The following SLC10A7 variants were observed in gnomAD, a reference collection of about 807,000 sequenced individuals.
SLC10A7 encodes the protein solute carrier family 10 member 7.
In SLC10A7, 29 loss-of-function variants were observed where a neutral mutation model predicts 43.2. That is an observed-to-expected ratio of 0.67 (90% CI 0.50 to 0.92). The LOEUF (loss-of-function observed/expected upper bound fraction) is 0.92, where lower values mean the gene tolerates loss of function less well. Ranked by LOEUF, SLC10A7 falls within the 40% of genes least tolerant of loss-of-function variation. The probability of loss-of-function intolerance (pLI) is 0.00; values close to 1 mark genes in which losing one functional copy is unlikely to be tolerated. For missense variants in SLC10A7, 295 were observed against 403.2 expected (o/e 0.73, Z 2.30); for synonymous variants, 152 against 144.8 (o/e 1.05, Z -0.35).
intron 4 of SLC10A7, among the ~76,000 whole-genome samples, chr4:146,484,166 A>G (rs1346151918): frequency 2.6e-5 from 4 of 152,196 alleles, no homozygotes; most frequent in African/African-American, 9.7e-5. Flanking sequence ...ATCTTGGGCA[A>G]CATAGTGATA....
chr4:146,315,121 T>G (rs1412859043), intron 6 of SLC10A7, among the ~76,000 whole-genome samples: 1 of 152,118 alleles, frequency 6.6e-6, no homozygotes, highest in African/African-American at 2.4e-5. Flanking sequence ...ATATGGAGAC[T>G]GCACAACTTG....
At chr4:146,287,020 G>A (rs1381157702) in intron 9 of SLC10A7, among the ~76,000 whole-genome samples, 4 of 149,182 alleles carry the variant, frequency 2.7e-5, no homozygotes, top group African/African-American at 7.4e-5. Flanking sequence ...GTTTGGAGTG[G>A]TGAGAAGGAC....
At chr4:146,281,396 C>CAAAAAA (rs774519759) in intron 10 of SLC10A7, among the ~76,000 whole-genome samples, 73 of 74,952 alleles carry the variant, frequency 9.7e-4, no homozygotes, top group Admixed American at 3.9e-3. Flanking sequence ...GAAGTAAAAT[C>CAAAAAA]AAAAAAAAAA....
chr4:146,425,405 C>G (rs750721794), intron 5 of SLC10A7, among the ~76,000 whole-genome samples: 1 of 152,184 alleles, frequency 6.6e-6, no homozygotes, highest in Non-Finnish European at 1.5e-5. Flanking sequence ...AATGCAGGAG[C>G]CACCAGTCAC....
At chr4:146,451,552 AG>A (rs1437132075) in intron 4 of SLC10A7, among the ~76,000 whole-genome samples, 1 of 152,110 alleles carries the variant, frequency 6.6e-6, no homozygotes, top group African/African-American at 2.4e-5. Context: ...GATTTATCCT[AG>A]GGATGCAAGG....
At chr4:146,461,651 T>C (rs1336316250) in intron 4 of SLC10A7, among the ~76,000 whole-genome samples, 1 of 151,952 alleles carries the variant, frequency 6.6e-6, no homozygotes, top group African/African-American at 2.4e-5. Flanking sequence ...TCACTAATTG[T>C]ACAGTACTTT....
chr4:146,419,524 C>T (rs1247851673), intron 5 of SLC10A7, among the ~76,000 whole-genome samples: 1 of 152,106 alleles, frequency 6.6e-6, no homozygotes. Flanking sequence ...AAATATCTTA[C>T]ATTAAAATCA....
At chr4:146,462,699 T>C (rs1732648495) in intron 4 of SLC10A7, among the ~76,000 whole-genome samples, 1 of 152,212 alleles carries the variant, frequency 6.6e-6, no homozygotes, top group Admixed American at 6.5e-5. Context: ...ACTGAAGGTA[T>C]ATTAGCTTAG....
intron 5 of SLC10A7, among the ~76,000 whole-genome samples, chr4:146,433,286 C>A (rs1385698776): frequency 6.6e-6 from 1 of 150,570 alleles, no homozygotes; most frequent in Non-Finnish European, 1.5e-5. Context: ...CTCAGCCTCC[C>A]GAGTAGCTGG....
chr4:146,323,279 T>G (rs1223907107), intron 6 of SLC10A7, among the ~76,000 whole-genome samples: 1 of 152,250 alleles, frequency 6.6e-6, no homozygotes, highest in African/African-American at 2.4e-5. Context: ...TTTGGTGTTT[T>G]AGACATGAAG....
chr4:146,473,182 A>G (rs370375860), intron 4 of SLC10A7, among the ~76,000 whole-genome samples: 3 of 152,228 alleles, frequency 2.0e-5, no homozygotes, highest in Non-Finnish European at 4.4e-5. Flanking sequence ...TGCTGATTCC[A>G]ATAAGAAAAG....
rs1192549945 is a variant in SLC10A7 at position 146,352,913 on chromosome 4, A to G, written c.436-26917T>C. ...TGTATAGAGGGAAATTTATAGCACTAAATGCCTACAAGAGAAAGCAGGAAA... is the reference window on the plus strand; with the variant it reads ...TGTATAGAGGGAAATTTATAGCACTGAATGCCTACAAGAGAAAGCAGGAAA... On this transcript the variant is annotated intron_variant, in intron 5 of 11. Coordinates refer to ENST00000335472, the MANE Select transcript of SLC10A7 (RefSeq NM_001029998.6). Among the ~76,000 whole-genome samples, 86 of 141,776 alleles carry G rather than the reference A, an allele frequency of 6.1e-4. 1 individual carries two copies. In the East Asian group the frequency reaches 0.016, roughly 26 times the overall value. The allele number at this position is 141,776 out of a possible 152,430, so 93.0% of individuals were successfully genotyped here.
At chr4:146,513,717 TCC>T (rs1737689320) in intron 2 of SLC10A7, among the ~76,000 whole-genome samples, 1 of 152,032 alleles carries the variant, frequency 6.6e-6, no homozygotes, top group Admixed American at 6.6e-5. Flanking sequence ...TTTCACAAAA[TCC>T]CAGCATCATA....
chr4:146,343,271 A>G (rs1420696207), intron 5 of SLC10A7, among the ~76,000 whole-genome samples: 1 of 152,054 alleles, frequency 6.6e-6, no homozygotes, highest in East Asian at 1.9e-4. Flanking sequence ...TCAAATACTG[A>G]CAGCCACCAG....
intron 6 of SLC10A7, among the ~76,000 whole-genome samples, chr4:146,311,991 C>G (rs1317250946): frequency 1.3e-5 from 2 of 152,148 alleles, no homozygotes; most frequent in South Asian, 2.1e-4. Flanking sequence ...TAAATGTATA[C>G]CAGGTGACAG....
At chr4:146,450,362 T>C (rs1731475833) in intron 4 of SLC10A7, among the ~76,000 whole-genome samples, 1 of 152,184 alleles carries the variant, frequency 6.6e-6, no homozygotes, top group African/African-American at 2.4e-5. Context: ...AAGATGTGCA[T>C]TTATATATAT....
chr4:146,344,883 T>G (rs79136710), intron 5 of SLC10A7, among the ~76,000 whole-genome samples: 1 of 152,168 alleles, frequency 6.6e-6, no homozygotes, highest in East Asian at 1.9e-4. Flanking sequence ...ATTTTCCAGC[T>G]TTAATTTCAA....
Position 146,496,900 on chromosome 4 carries a change from T to C in SLC10A7, c.396+6949A>G, listed in dbSNP as rs891264717. Among the ~76,000 whole-genome samples, 13 of 152,346 alleles carry C rather than the reference T, an allele frequency of 8.5e-5. No homozygotes were observed. The East Asian group carries it at 2.1e-3, about 25-fold the overall frequency. ...TAAGACGTTATTATCCTTATTATTC[T>C]CTATGGTAGAAAACAGTATCTTAAA... On this transcript the variant is annotated intron_variant, in intron 4 of 11. Transcript: ENST00000335472.
intron 5 of SLC10A7, among the ~76,000 whole-genome samples, chr4:146,327,593 T>C (rs1271308179): frequency 6.6e-6 from 1 of 152,206 alleles, no homozygotes; most frequent in Non-Finnish European, 1.5e-5. Flanking sequence ...TTTAAACATA[T>C]AATTAAACAT....
Sources: gnomAD v4.1 joint callset for allele counts (sites outside exome capture counted in the v4.1 genomes callset) on GRCh38, gnomAD v4.1.1 for gene constraint, MANE v1.5 for transcripts, NCBI Gene and HGNC (gene_info 2026-07-23, HGNC 2026-07-21) for gene names.